The following PMM1 variants were observed in gnomAD, a reference collection of about 807,000 sequenced individuals.
PMM1 encodes phosphomannomutase 1.
PMM1 carries 25 observed loss-of-function variants against 34.0 expected under a neutral mutation model. The observed-to-expected ratio is 0.73, with a 90% CI of 0.54 to 1.03. The LOEUF (loss-of-function observed/expected upper bound fraction) is 1.03, where lower values mean the gene tolerates loss of function less well. Among genes scored for constraint, PMM1 ranks in the 50% least tolerant of loss-of-function variants. PMM1 has a pLI of 0.00. For synonymous variants in PMM1, 134 were observed against 143.9 expected (o/e 0.93, Z 0.49); for missense variants, 321 against 350.1 (o/e 0.92, Z 0.66).
intron 2 of PMM1, chr22:41,585,480 T>A (rs2067297642): frequency 6.6e-6 from 1 of 151,304 alleles, no homozygotes; most frequent in South Asian, 2.1e-4. Flanking sequence ...TATTTATTTA[T>A]TTATTTATTT....
rs778153037 is a variant in PMM1, at chr22:41,583,985, T to G, written c.448A>C (p.Arg150=). ...PIGRSCTLEE[R]IEFSELDKKE... ...TTGTCCAGTTCGGAGAACTCGATCC[T>G]CTCCTCCAGGGTGCAGCTCCGGCCG... Residue 150 remains arginine (R), a synonymous_variant, in exon 5 of 8, where the codon AGG becomes CGG. Coordinates refer to ENST00000216259, the MANE Select transcript of PMM1 (RefSeq NM_002676.3). 6.2e-7 allele frequency: 1 copy of G among 1,613,426 alleles called. No homozygotes were observed. The highest frequency in any genetic ancestry group is 8.5e-7 in the Non-Finnish European group (1 of 1,179,372).
intron 5 of PMM1, among the ~76,000 whole-genome samples, chr22:41,582,057 T>C (rs921346346): frequency 2.0e-5 from 3 of 151,324 alleles, no homozygotes; most frequent in African/African-American, 7.3e-5. Context: ...GGCAGAAGAA[T>C]TGTTTGAACC....
chr22:41,583,835 C>A, intron 5 of PMM1, 124 bp downstream of exon 5: 1 of 692,444 alleles, frequency 1.4e-6, no homozygotes, highest in Non-Finnish European at 2.6e-6. Context: ...ACAGTAGGTG[C>A]CTGAAAGGGT....
intron 5 of PMM1, among the ~76,000 whole-genome samples, chr22:41,580,845 G>A (rs1175410840): frequency 2.0e-5 from 3 of 151,888 alleles, no homozygotes; most frequent in African/African-American, 4.8e-5. Flanking sequence ...GGCCGGGCGC[G>A]GTGGCTCATG....
At chr22:41,583,807 T>C in intron 5 of PMM1, 152 bp downstream of exon 5, 1 of 632,096 alleles carries the variant, frequency 1.6e-6, no homozygotes, top group South Asian at 1.8e-5. Context: ...GATGCAGGTG[T>C]GTCTACAACA....
chr22:41,587,269 C>CA (rs933671800), intron 1 of PMM1, among the ~76,000 whole-genome samples: 192 of 115,754 alleles, frequency 1.7e-3, no homozygotes, highest in East Asian at 0.012. Context: ...GACTCCGTCT[C>CA]AAAAAAAAAA....
rs749234221 is a variant in PMM1 at position 41,584,087 on chromosome 22, A to G, written c.375-29T>C. 3.2e-6 allele frequency: 5 copies of G among 1,549,004 alleles called. No individual in the cohort carries two copies. In the South Asian group the frequency reaches 5.6e-5, roughly 17 times the overall value. On this transcript the variant is annotated intron_variant, in intron 4 of 7. Coordinates refer to ENST00000216259, the MANE Select transcript of PMM1 (RefSeq NM_002676.3). ...GTGGTGAGGGAGGGCGGGGAGCCAG[A>G]GAGAACCAGAACGGCCCTGAATTCA...
intron 1 of PMM1, among the ~76,000 whole-genome samples, chr22:41,588,199 C>T (rs146849252): frequency 1.3e-5 from 2 of 151,878 alleles, no homozygotes; most frequent in African/African-American, 4.8e-5. Context: ...TACAGGCACA[C>T]GACACCACGC....
chr22:41,579,528 T>C (rs56259566), intron 5 of PMM1: 8,624 of 152,560 alleles, frequency 0.057, 578 homozygotes, highest in African/African-American at 0.15. Context: ...CTATGCCCAG[T>C]CTGAGGGGCA....
chr22:41,578,775 G>A (rs1362903306), intron 6 of PMM1, 31 bp downstream of exon 6: 10 of 1,592,808 alleles, frequency 6.3e-6, no homozygotes, highest in Non-Finnish European at 8.6e-6. Flanking sequence ...CCTGTACCAG[G>A]CCTCCCAGGT....
intron 4 of PMM1, 42 bp from the exon 5 acceptor site, chr22:41,584,100 G>A (rs369822669): frequency 1.7e-5 from 25 of 1,492,164 alleles, no homozygotes; most frequent in African/African-American, 1.1e-4. Flanking sequence ...GAACCAGAAC[G>A]GCCCTGAATT....
At chr22:41,578,976 T>A in intron 5 of PMM1, 95 bp from the exon 6 acceptor site, 1 of 1,034,128 alleles carries the variant, frequency 9.7e-7, no homozygotes, top group Non-Finnish European at 1.5e-6. Context: ...CTGAGCATTC[T>A]AGGTGGGTAG....
Position 41,586,171 on chromosome 22 carries a change from G to GCGGC in PMM1, c.106_109dup (p.Ala37GlyfsTer10), listed in dbSNP as rs1164701054. 5 of 1,611,402 alleles carry GCGGC rather than the reference G, an allele frequency of 3.1e-6. No individual in the cohort carries two copies. The highest frequency in any genetic ancestry group is 2.5e-6 in the Non-Finnish European group (3 of 1,179,738). On this transcript the variant is annotated frameshift_variant, in exon 2 of 8. Coordinates refer to ENST00000216259, the MANE Select transcript of PMM1 (RefSeq NM_002676.3). LOFTEE classifies it high-confidence loss of function. ...TCTACTTCGTAGCTTCTGCAGGAAG[G>GCGGC]CGGCCACCTCAGGGTCAATTTTCTA...
chr22:41,588,970 A>G (rs1422881418), intron 1 of PMM1: 19 of 1,117,072 alleles, frequency 1.7e-5, no homozygotes, highest in East Asian at 5.9e-5. Flanking sequence ...CTCACTCACA[A>G]TGAGACCCAA....
At chr22:41,588,575 G>C (rs960681284) in intron 1 of PMM1, 18 of 845,620 alleles carry the variant, frequency 2.1e-5, no homozygotes, top group Non-Finnish European at 2.1e-5. Flanking sequence ...GACTGATCTA[G>C]AATTCCTGAC....
intron 1 of PMM1, chr22:41,588,647 C>A: frequency 1.0e-6 from 1 of 985,432 alleles, no homozygotes; most frequent in Non-Finnish European, 1.2e-6. Flanking sequence ...GACCCACAAG[C>A]AAATGGCCCA....
At chr22:41,589,205 T>C (rs1324897939) in intron 1 of PMM1, 2 of 984,016 alleles carry the variant, frequency 2.0e-6, no homozygotes, top group Non-Finnish European at 2.9e-6. Flanking sequence ...CTTCAGAAAC[T>C]AGACCCAGTC....
rs1602005276 is a variant in PMM1, at chr22:41,578,026, T to C, written c.551-103A>G. ...ATTCATTCAACAACCCTTGAGTGCCTACTGAGGGCCAGGAATAGGACACGG... is the reference window on the plus strand; with the variant it reads ...ATTCATTCAACAACCCTTGAGTGCCCACTGAGGGCCAGGAATAGGACACGG... On this transcript the variant is annotated intron_variant, in intron 6 of 7. Coordinates refer to ENST00000216259, the MANE Select transcript of PMM1 (RefSeq NM_002676.3). The C allele has an allele frequency of 9.9e-6, 8 of 805,194 alleles. No individual in the cohort carries two copies. In the East Asian group the frequency reaches 1.8e-4, roughly 18 times the overall value. 49.9% of individuals were successfully genotyped at this position (805,194 alleles called of 1,614,324 possible). A position where few individuals can be genotyped will look rare whatever the true frequency, so the allele number is the denominator to read the frequency against.
chr22:41,579,210 G>C (rs554045243), intron 5 of PMM1: 162 of 318,924 alleles, frequency 5.1e-4, no homozygotes, highest in African/African-American at 3.1e-3. Context: ...TCCACCTCAG[G>C]GCAGGGCTCG....
Sources: allele counts gnomAD v4.1 joint callset (sites outside exome capture counted in the v4.1 genomes callset), GRCh38; gene constraint gnomAD v4.1.1; transcripts MANE v1.5; gene names NCBI Gene and HGNC (gene_info 2026-07-23, HGNC 2026-07-21).